Variants in PCDHGB1 observed in about 807,000 individuals in gnomAD.
The protein encoded by PCDHGB1 is protocadherin gamma-B1.
PCDHGB1 carries 34 observed loss-of-function variants against 56.6 expected under a neutral mutation model. The ratio of observed to expected loss-of-function variants is 0.60; its 90% CI spans 0.46 to 0.80. The LOEUF (loss-of-function observed/expected upper bound fraction) is 0.80. Among genes scored for constraint, PCDHGB1 ranks in the 30% least tolerant of loss-of-function variants. PCDHGB1 has a pLI of 0.00. For missense variants in PCDHGB1, 1,278 were observed against 1,204.6 expected (o/e 1.06, Z -0.90); for synonymous variants, 561 against 505.9 (o/e 1.11, Z -1.46).
intron 1 of PCDHGB1, among the ~76,000 whole-genome samples, chr5:141,450,470 AGTTT>A (rs199699353): frequency 4.6e-5 from 7 of 151,680 alleles, no homozygotes; most frequent in Non-Finnish European, 8.8e-5. Flanking sequence ...TTATATATAG[AGTTT>A]GTTTGTTTGT....
At chr5:141,463,338 G>A (rs1005543705) in intron 1 of PCDHGB1, among the ~76,000 whole-genome samples, 2 of 150,742 alleles carry the variant, frequency 1.3e-5, no homozygotes, top group African/African-American at 2.4e-5. Flanking sequence ...CAAAACCATG[G>A]TGTTATTCTT....
Position 141,489,784 on chromosome 5 carries a change from G to A in PCDHGB1, c.2410-5023G>A. 1 of 1,614,218 alleles carries A rather than the reference G, an allele frequency of 6.2e-7. No individual in the cohort carries two copies. Among genetic ancestry groups the A allele is most frequent in the Non-Finnish European group, 8.5e-7 (1 of 1,180,010 alleles). On this transcript the variant is annotated intron_variant, in intron 1 of 3. Transcript: ENST00000523390. This position sits in a 1 kb window ranked among gnomAD's most constrained non-coding sequence, Gnocchi z 4.5. ...CCCCAACAGCCACTTCTCTCTGAAT[G>A]TGAAGACCCTAAAAGATGGGAAGCC...
intron 1 of PCDHGB1, chr5:141,415,738 A>G (rs2095905853): frequency 5.6e-6 from 3 of 538,228 alleles, no homozygotes; most frequent in South Asian, 3.9e-5. Context: ...ATGTTTATTA[A>G]GGTTTTTTTT....
intron 1 of PCDHGB1, chr5:141,416,686 T>C (rs1341005031): frequency 6.6e-6 from 1 of 152,244 alleles, no homozygotes; most frequent in African/African-American, 2.4e-5. Flanking sequence ...AGGGAAATTA[T>C]ATAAACAAAG....
rs1001412632 is a variant in PCDHGB1, at chr5:141,493,097, A to G, written c.2410-1710A>G. On this transcript the variant is annotated intron_variant, in intron 1 of 3. Transcript: ENST00000523390. The surrounding 1 kb of genome is among the most constrained non-coding windows in gnomAD (Gnocchi z 4.3). ...AACTCCAGGAGCTTTTATTCAAAAT[A>G]TATCAATGCCTAACTCTGCTCCTAG... Among the ~76,000 whole-genome samples, 1 of 152,224 alleles carries G rather than the reference A, an allele frequency of 6.6e-6. No homozygotes were observed. The highest frequency in any genetic ancestry group is 2.4e-5 in the African/African-American group (1 of 41,456).
chr5:141,389,248 A>C, intron 1 of PCDHGB1: 1 of 1,614,036 alleles, frequency 6.2e-7, no homozygotes, highest in South Asian at 1.1e-5. Context: ...CAGTCTTCCT[A>C]TATAGTCCAC....
intron 1 of PCDHGB1, among the ~76,000 whole-genome samples, chr5:141,481,193 A>G (rs749746998): frequency 1.3e-5 from 2 of 152,216 alleles, no homozygotes; most frequent in Admixed American, 6.5e-5. Context: ...GCCAGGCCCA[A>G]TTTTTTTAAA....
chr5:141,430,155 A>G (rs1440666899), intron 1 of PCDHGB1, among the ~76,000 whole-genome samples: 7 of 152,184 alleles, frequency 4.6e-5, no homozygotes, highest in Admixed American at 1.3e-4. Flanking sequence ...CATTCAAGGA[A>G]TCTATTTAAA....
rs1464156311 is a variant in PCDHGB1 at position 141,350,978 on chromosome 5, A to G, written c.718A>G (p.Ser240Gly). The change falls in exon 1 of 4, where the codon AGC (serine) becomes GGC (glycine). Residue 240 changes from serine (S) to glycine (G), a missense_variant. Physicochemically the swap from Ser to Gly is moderately conservative, Grantham distance 56. Transcript: ENST00000523390. Reference sequence around the variant, plus strand: ...TGCCAATGATAATGCTCCCGTGTTTAGCCAGGAGGTATACAGGGTTAGCCT... The same window carrying G: ...TGCCAATGATAATGCTCCCGTGTTTGGCCAGGAGGTATACAGGGTTAGCCT... ...TDANDNAPVF[S>G]QEVYRVSLQE... The G allele has an allele frequency of 6.2e-7, 1 of 1,613,956 alleles. No homozygotes were observed. The highest frequency in any genetic ancestry group is 1.3e-5 in the African/African-American group (1 of 74,954).
intron 1 of PCDHGB1, among the ~76,000 whole-genome samples, chr5:141,451,298 C>T (rs1221562397): frequency 6.6e-6 from 1 of 152,206 alleles, no homozygotes; most frequent in African/African-American, 2.4e-5. Context: ...CAAAGTCTTA[C>T]AAGGCAGCAA....
chr5:141,376,310 G>C, intron 1 of PCDHGB1: 1 of 1,613,946 alleles, frequency 6.2e-7, no homozygotes. Flanking sequence ...CTTTGTGGGC[G>C]TGGAAGGGGT....
At chr5:141,353,402 ATCT>A (rs1178669390) in intron 1 of PCDHGB1, among the ~76,000 whole-genome samples, 1 of 152,140 alleles carries the variant, frequency 6.6e-6, no homozygotes, top group African/African-American at 2.4e-5. Context: ...AATTAATGTA[ATCT>A]TCATCAATTA....
chr5:141,409,023 A>G, intron 1 of PCDHGB1: 4 of 1,614,044 alleles, frequency 2.5e-6, no homozygotes, highest in Non-Finnish European at 3.4e-6. Flanking sequence ...GAGGGGGTCA[A>G]TGCTGAGATA....
rs757825548 is a variant in PCDHGB1, at chr5:141,361,696, G to C, written c.2409+9027G>C. 9.3e-6 allele frequency: 15 copies of C among 1,613,466 alleles called. No individual in the cohort carries two copies. In the Admixed American group the frequency reaches 1.0e-4, roughly 11 times the overall value. ...GGTGGTGTTCGCGCAGCGCGCCTTC[G>C]ATCATGAGCAGCTGCGCGCCTTCGA... On this transcript the variant is annotated intron_variant, in intron 1 of 3. Transcript: ENST00000523390.
intron 1 of PCDHGB1, among the ~76,000 whole-genome samples, chr5:141,425,257 G>A (rs746250240): frequency 6.6e-6 from 1 of 152,152 alleles, no homozygotes; most frequent in Non-Finnish European, 1.5e-5. Context: ...TGAGGTATTT[G>A]GCTGGGAAAA....
intron 1 of PCDHGB1, chr5:141,357,345 G>A (rs1300447228): frequency 6.2e-7 from 1 of 1,613,990 alleles, no homozygotes. Flanking sequence ...TAGCACTCAA[G>A]CTGAGACGCT....
intron 1 of PCDHGB1, among the ~76,000 whole-genome samples, chr5:141,426,006 G>C (rs1013613474): frequency 2.0e-5 from 3 of 152,104 alleles, no homozygotes; most frequent in African/African-American, 7.2e-5. Flanking sequence ...AAGGCTTCCG[G>C]CTGCAGTTTT....
At chr5:141,357,615 T>C (rs372588190) in intron 1 of PCDHGB1, 222 of 1,613,730 alleles carry the variant, frequency 1.4e-4, no homozygotes, top group Admixed American at 5.5e-4. Flanking sequence ...GAGACCCTAA[T>C]CTTCAGGTGA....
At chr5:141,365,752 G>A in intron 1 of PCDHGB1, 1 of 1,613,696 alleles carries the variant, frequency 6.2e-7, no homozygotes, top group African/African-American at 1.3e-5. Flanking sequence ...TCTTCTCTGT[G>A]ACAGCCCATG....
Sources: gnomAD v4.1 joint callset for allele counts (sites outside exome capture counted in the v4.1 genomes callset) on GRCh38, gnomAD v4.1.1 for gene constraint, Gnocchi (gnomAD v3.1) non-coding constraint, MANE v1.5 for transcripts, NCBI Gene and HGNC (gene_info 2026-07-23, HGNC 2026-07-21) for gene names.